The following ZNF385D variants were observed in gnomAD, a reference collection of about 807,000 sequenced individuals.
ZNF385D encodes the protein zinc finger protein 385D, also known as zinc finger protein 659.
In ZNF385D, 15 loss-of-function variants were observed where a neutral mutation model predicts 35.8. The ratio of observed to expected loss-of-function variants is 0.42; its 90% CI spans 0.28 to 0.64. The LOEUF is 0.64. ZNF385D is among the 30% of genes least tolerant of loss of function. ZNF385D has a pLI of 0.23. For synonymous variants in ZNF385D, 212 were observed against 186.8 expected, an observed-to-expected ratio of 1.13 and a Z score of -1.10; for missense variants, 474 against 494.6, an observed-to-expected ratio of 0.96 and a Z score of 0.39.
chr3:21,459,320 T>C lies in ZNF385D; in HGVS notation c.440-22117A>G, dbSNP rs908297952. On this transcript the variant is annotated intron_variant, in intron 4 of 7. Coordinates refer to ENST00000281523, the MANE Select transcript of ZNF385D (RefSeq NM_024697.3). Reference sequence around the variant, plus strand: ...TAATTATGTTACTATAATTATTTTTTAAATTACTAACCTTTTTCCCAGATG... The same window carrying C: ...TAATTATGTTACTATAATTATTTTTCAAATTACTAACCTTTTTCCCAGATG... 30 of 152,148 alleles carry C rather than the reference T, an allele frequency of 2.0e-4. 1 individual carries two copies. The highest frequency in any genetic ancestry group is 6.5e-5 in the Admixed American group (1 of 15,272). The allele number at this position is 152,148 out of a possible 1,614,324, so 9.4% of individuals were successfully genotyped here.
At chr3:22,060,221 T>C (rs1000103068) in intron 3 of ZNF385D, among the ~76,000 whole-genome samples, 1 of 152,210 alleles carries the variant, frequency 6.6e-6, no homozygotes, top group Non-Finnish European at 1.5e-5. Context: ...ATTTTGGATC[T>C]TGTCAGCCTT....
intron 3 of ZNF385D, among the ~76,000 whole-genome samples, chr3:21,796,421 A>C (rs1362857256): frequency 2.0e-5 from 3 of 152,216 alleles, no homozygotes; most frequent in Admixed American, 6.5e-5. Flanking sequence ...AAAAATGCGT[A>C]AAAAATTAGA....
Position 21,559,281 on chromosome 3 carries a change from A to G in ZNF385D, c.276+5293T>C, listed in dbSNP as rs199643960. Among the ~76,000 whole-genome samples, 17 of 152,218 alleles carry G rather than the reference A, an allele frequency of 1.1e-4. No individual in the cohort carries two copies. In the East Asian group the frequency reaches 2.9e-3, roughly 26 times the overall value. On this transcript the variant is annotated intron_variant, in intron 3 of 7. Coordinates refer to ENST00000281523, the MANE Select transcript of ZNF385D (RefSeq NM_024697.3). ...GTGTCGATGGTCTTTACAATTTGGT[A>G]TGTTTTTGCAGTGGCTGGTACCGGT...
At chr3:22,183,841 T>C (rs1370473564) in intron 2 of ZNF385D, among the ~76,000 whole-genome samples, 2 of 152,102 alleles carry the variant, frequency 1.3e-5, no homozygotes, top group African/African-American at 4.8e-5. Flanking sequence ...CTTTAGTTTT[T>C]TTTTTAAATT....
At chr3:21,467,525 G>T (rs1382164) in intron 4 of ZNF385D, among the ~76,000 whole-genome samples, 79,252 of 151,982 alleles carry the variant, frequency 0.52, 22,194 homozygotes, top group African/African-American at 0.72. Context: ...TCTAACCTGC[G>T]AATAGCAGAA....
At chr3:21,662,479 A>G (rs1027377323) in intron 2 of ZNF385D, among the ~76,000 whole-genome samples, 2 of 152,208 alleles carry the variant, frequency 1.3e-5, no homozygotes, top group Admixed American at 1.3e-4. Context: ...GGCAGTAAAA[A>G]TTACGTTTTA....
chr3:21,798,270 C>G (rs1487866521), intron 3 of ZNF385D, among the ~76,000 whole-genome samples: 1 of 152,196 alleles, frequency 6.6e-6, no homozygotes, highest in African/African-American at 2.4e-5. Context: ...GGCGCATGGC[C>G]TCACTCGGCT....
intron 3 of ZNF385D, among the ~76,000 whole-genome samples, chr3:22,126,609 A>C (rs185227370): frequency 6.6e-6 from 1 of 152,072 alleles, no homozygotes. Flanking sequence ...TGTATGCTCC[A>C]TCCTTGAGAA....
At chr3:21,965,554 G>T (rs555719) in intron 3 of ZNF385D, among the ~76,000 whole-genome samples, 21,068 of 152,074 alleles carry the variant, frequency 0.14, 3,520 homozygotes, top group African/African-American at 0.4. Context: ...AAGAAAGGTT[G>T]AAGAATTGTT....
intron 3 of ZNF385D, among the ~76,000 whole-genome samples, chr3:22,012,965 A>G (rs763720029): frequency 1.3e-5 from 2 of 152,272 alleles, no homozygotes; most frequent in East Asian, 3.9e-4. Flanking sequence ...AATCCCATTA[A>G]TATGATAGAA....
intron 3 of ZNF385D, among the ~76,000 whole-genome samples, chr3:21,926,508 C>T (rs563384027): frequency 6.6e-6 from 1 of 152,244 alleles, no homozygotes; most frequent in South Asian, 2.1e-4. Context: ...TGTATATGTG[C>T]CACATTTTCT....
intron 2 of ZNF385D, among the ~76,000 whole-genome samples, chr3:21,605,172 G>T (rs1427501463): frequency 6.6e-6 from 1 of 152,186 alleles, no homozygotes; most frequent in Non-Finnish European, 1.5e-5. Flanking sequence ...GAGATCATTG[G>T]AGGGGGGCTG....
intron 1 of ZNF385D, among the ~76,000 whole-genome samples, chr3:21,704,314 C>T (rs1464129495): frequency 6.6e-6 from 1 of 152,008 alleles, no homozygotes; most frequent in Non-Finnish European, 1.5e-5. Flanking sequence ...GTGCTGAATT[C>T]CAGATGAAAA....
chr3:21,880,505 T>C (rs534534306), intron 3 of ZNF385D, among the ~76,000 whole-genome samples: 16 of 152,136 alleles, frequency 1.1e-4, no homozygotes, highest in African/African-American at 3.6e-4. Context: ...CAAACTTCAT[T>C]GATAAATGTT....
chr3:21,973,119 A>G (rs1439952579), intron 3 of ZNF385D, among the ~76,000 whole-genome samples: 3 of 151,988 alleles, frequency 2.0e-5, no homozygotes, highest in African/African-American at 7.2e-5. Context: ...AAGAAAAAAG[A>G]AAGTAACAGG....
intron 2 of ZNF385D, among the ~76,000 whole-genome samples, chr3:21,591,979 C>T (rs2063988383): frequency 2.0e-5 from 3 of 152,234 alleles, no homozygotes; most frequent in South Asian, 4.1e-4. Flanking sequence ...TTCATCTTTA[C>T]TGGCTGTTCA....
chr3:22,157,680 G>C (rs985450305), intron 3 of ZNF385D, among the ~76,000 whole-genome samples: 1 of 151,972 alleles, frequency 6.6e-6, no homozygotes, highest in Non-Finnish European at 1.5e-5. Context: ...CTTCTACTGA[G>C]TCACTGAAAT....
At chr3:22,013,858 C>A (rs1395704826) in intron 3 of ZNF385D, among the ~76,000 whole-genome samples, 2 of 151,964 alleles carry the variant, frequency 1.3e-5, no homozygotes, top group Non-Finnish European at 2.9e-5. Flanking sequence ...CCAAAATAAG[C>A]CAACTGGGCT....
intron 2 of ZNF385D, among the ~76,000 whole-genome samples, chr3:21,663,722 C>G (rs1453520486): frequency 6.6e-6 from 1 of 151,218 alleles, no homozygotes; most frequent in African/African-American, 2.4e-5. Context: ...GAAAATTCCT[C>G]TCCCTACAAA....
Sources: gnomAD v4.1 joint callset for allele counts (sites outside exome capture counted in the v4.1 genomes callset) on GRCh38, gnomAD v4.1.1 for gene constraint, MANE v1.5 for transcripts, NCBI Gene and HGNC (gene_info 2026-07-23, HGNC 2026-07-21) for gene names.